The following PTPRG variants were observed in gnomAD, a reference collection of about 807,000 sequenced individuals.
The protein encoded by PTPRG is protein tyrosine phosphatase receptor type G, also known as receptor-type tyrosine-protein phosphatase gamma.
PTPRG carries 102 observed loss-of-function variants against 165.3 expected under a neutral mutation model. The observed-to-expected ratio is 0.62, with a 90% CI of 0.53 to 0.73. The LOEUF (loss-of-function observed/expected upper bound fraction) is 0.73. PTPRG is among the 30% of genes least tolerant of loss of function. The pLI is 0.00. For missense variants in PTPRG, 1,866 were observed against 1,861.4 expected, an observed-to-expected ratio of 1.00 and a Z score of -0.05; for synonymous variants, 675 against 669.5, an observed-to-expected ratio of 1.01 and a Z score of -0.13.
intron 12 of PTPRG, among the ~76,000 whole-genome samples, chr3:62,205,580 A>T (rs1366858362): frequency 6.6e-6 from 1 of 152,126 alleles, no homozygotes; most frequent in East Asian, 1.9e-4. Context: ...CAGAGAGCCA[A>T]GTGGTAAGAA....
intron 6 of PTPRG, among the ~76,000 whole-genome samples, chr3:62,137,513 C>T (rs922024158): frequency 1.3e-5 from 2 of 152,060 alleles, no homozygotes; most frequent in African/African-American, 4.8e-5. Flanking sequence ...AAGAATTGGG[C>T]CCTTTCTGTC....
intron 1 of PTPRG, among the ~76,000 whole-genome samples, chr3:61,655,425 C>A (rs1158513803): frequency 6.6e-6 from 1 of 151,844 alleles, no homozygotes; most frequent in African/African-American, 2.4e-5. Flanking sequence ...TCATATGGTC[C>A]CAGGATACTG....
chr3:61,562,277 C>A lies in PTPRG; in HGVS notation c.-11C>A, dbSNP rs759975449. On this transcript the variant is annotated 5_prime_UTR_variant, in exon 1 of 30. It introduces an in-frame stop codon into an upstream open reading frame of the 5' UTR. Coordinates refer to ENST00000474889, the MANE Select transcript of PTPRG (RefSeq NM_002841.4). ...TCCCTGCTTTCCTCTTTTCGATGTGCGTTTTCGGACATGCGGAGGTTACTG... is the reference window on the plus strand; with the variant it reads ...TCCCTGCTTTCCTCTTTTCGATGTGAGTTTTCGGACATGCGGAGGTTACTG... The A allele has an allele frequency of 2.5e-6, 4 of 1,612,360 alleles. No individual in the cohort carries two copies. Among genetic ancestry groups the A allele is most frequent in the East Asian group, 2.2e-5 (1 of 44,808 alleles).
chr3:61,712,926 A>G (rs934520876), intron 1 of PTPRG, among the ~76,000 whole-genome samples: 4 of 152,176 alleles, frequency 2.6e-5, no homozygotes, highest in Non-Finnish European at 5.9e-5. Context: ...GGAGGTGACA[A>G]GATTAAGAGA....
At position 62,138,714 on chromosome 3, in the gene PTPRG, C is replaced by CAAAA. The variant is rs563632840; in HGVS notation, c.682+6065_682+6068dup. On this transcript the variant is annotated intron_variant, in intron 6 of 29. Transcript: ENST00000474889. ...AGCCTCAGTGACAAGGGCAAAGCTC[C>CAAAA]AAAAAAAAAAAAAAAAAAAAAAGAA... 4.2e-3 allele frequency among the ~76,000 whole-genome samples: 380 copies of CAAAA among 90,986 alleles called. 2 individuals carry two copies. Among genetic ancestry groups the CAAAA allele is most frequent in the East Asian group, 0.025 (71 of 2,806 alleles). The allele number at this position is 90,986 out of a possible 152,430, so 59.7% of individuals were successfully genotyped here.
At chr3:62,137,209 T>C (rs983946761) in intron 6 of PTPRG, among the ~76,000 whole-genome samples, 12 of 152,170 alleles carry the variant, frequency 7.9e-5, no homozygotes, top group Non-Finnish European at 1.6e-4. Flanking sequence ...TCCTATTCAC[T>C]GTATTGGTTC....
At chr3:61,877,923 A>G (rs1178394217) in intron 2 of PTPRG, among the ~76,000 whole-genome samples, 1 of 152,200 alleles carries the variant, frequency 6.6e-6, no homozygotes, top group South Asian at 2.1e-4. Flanking sequence ...TGTCCCTATC[A>G]TTCTTTGAGT....
At chr3:62,163,566 G>A (rs1479865177) in intron 7 of PTPRG, among the ~76,000 whole-genome samples, 2 of 152,134 alleles carry the variant, frequency 1.3e-5, no homozygotes, top group Non-Finnish European at 2.9e-5. Context: ...GAAGTACCTG[G>A]CATGTCATAG....
rs112645894 is a variant in PTPRG at position 62,134,816 on chromosome 3, A to G, written c.682+2148A>G. Among the ~76,000 whole-genome samples the G allele has an allele frequency of 4.6e-3, 700 of 152,380 alleles. 8 individuals carry two copies. Among genetic ancestry groups the G allele is most frequent in the African/African-American group, 0.016 (649 of 41,596 alleles). On this transcript the variant is annotated intron_variant, in intron 6 of 29. Coordinates refer to ENST00000474889, the MANE Select transcript of PTPRG (RefSeq NM_002841.4). Reference sequence around the variant, plus strand: ...AGTCAAATGACTGAATCAAGTAAGCATACAAATAAATAAGTGAAAATTTTC... The same window carrying G: ...AGTCAAATGACTGAATCAAGTAAGCGTACAAATAAATAAGTGAAAATTTTC...
Position 61,860,923 on chromosome 3 carries a change from G to A in PTPRG, c.190+111941G>A, listed in dbSNP as rs537967774. On this transcript the variant is annotated intron_variant, in intron 2 of 29. Coordinates refer to ENST00000474889, the MANE Select transcript of PTPRG (RefSeq NM_002841.4). Reference sequence around the variant, plus strand: ...ACAGTCAAGATTCTGAATAAGTCCAGCACCACAGGCAGGGTTGCCACAGCC... The same window carrying A: ...ACAGTCAAGATTCTGAATAAGTCCAACACCACAGGCAGGGTTGCCACAGCC... 2.0e-5 allele frequency among the ~76,000 whole-genome samples: 3 copies of A among 152,144 alleles called. No homozygotes were observed. In the East Asian group the frequency reaches 5.8e-4, roughly 29 times the overall value.
chr3:61,808,422 T>G (rs1225701460), intron 2 of PTPRG, among the ~76,000 whole-genome samples: 1 of 151,812 alleles, frequency 6.6e-6, no homozygotes, highest in Admixed American at 6.6e-5. Flanking sequence ...ATCTATACAT[T>G]TTTTTTTCAT....
chr3:62,050,542 C>T (rs775085007), intron 4 of PTPRG, among the ~76,000 whole-genome samples: 10 of 152,178 alleles, frequency 6.6e-5, no homozygotes, highest in Admixed American at 1.3e-4. Flanking sequence ...TTGAAAGTTG[C>T]TTGAGAGATG....
intron 1 of PTPRG, among the ~76,000 whole-genome samples, chr3:61,606,105 G>A (rs1435949295): frequency 6.6e-6 from 1 of 152,158 alleles, no homozygotes; most frequent in African/African-American, 2.4e-5. Context: ...GGTTTCCATG[G>A]GTCATGAGTC....
chr3:61,803,062 A>C lies in PTPRG; in HGVS notation c.190+54080A>C, dbSNP rs570386311. On this transcript the variant is annotated intron_variant, in intron 2 of 29. Transcript: ENST00000474889. ...AACATAGCCACATTCATTTGTTTAC[A>C]TATTATCCATGGGTGCTTTAGCACC... 2.0e-5 allele frequency among the ~76,000 whole-genome samples: 3 copies of C among 152,310 alleles called. No individual in the cohort carries two copies. The South Asian group carries it at 6.2e-4, about 32-fold the overall frequency.
intron 2 of PTPRG, among the ~76,000 whole-genome samples, chr3:61,807,890 T>C (rs2035462797): frequency 6.6e-6 from 1 of 152,196 alleles, no homozygotes; most frequent in African/African-American, 2.4e-5. Context: ...CAACCATATT[T>C]TTGATCTTCT....
intron 1 of PTPRG, among the ~76,000 whole-genome samples, chr3:61,736,400 C>G (rs1451156769): frequency 6.6e-6 from 1 of 151,570 alleles, no homozygotes; most frequent in Non-Finnish European, 1.5e-5. Flanking sequence ...CTTTCTTTTC[C>G]TTATTTTCTC....
chr3:61,777,148 T>G (rs527620796), intron 2 of PTPRG, among the ~76,000 whole-genome samples: 2 of 152,248 alleles, frequency 1.3e-5, no homozygotes, highest in East Asian at 3.9e-4. Flanking sequence ...CTAATAAAAT[T>G]TTACTCGGTA....
intron 2 of PTPRG, among the ~76,000 whole-genome samples, chr3:61,810,455 A>G (rs939518443): frequency 6.6e-6 from 1 of 152,172 alleles, no homozygotes; most frequent in African/African-American, 2.4e-5. Flanking sequence ...GCTTAAAGGA[A>G]TGATTTCTTT....
chr3:62,088,887 A>G (rs918447165), intron 5 of PTPRG, among the ~76,000 whole-genome samples: 1 of 152,186 alleles, frequency 6.6e-6, no homozygotes, highest in African/African-American at 2.4e-5. Context: ...CTTATTTTAG[A>G]GGGTTACTGT....
Sources: allele counts gnomAD v4.1 joint callset (sites outside exome capture counted in the v4.1 genomes callset), GRCh38; gene constraint gnomAD v4.1.1; transcripts MANE v1.5; gene names NCBI Gene and HGNC (gene_info 2026-07-23, HGNC 2026-07-21).